WDR7: variants seen among roughly 807,000 people sequenced by gnomAD.
WDR7 encodes the protein WD repeat-containing protein 7.
WDR7 carries 46 observed loss-of-function variants against 169.4 expected under a neutral mutation model. That is an observed-to-expected ratio of 0.27 (90% CI 0.21 to 0.35). The LOEUF (loss-of-function observed/expected upper bound fraction) is 0.35. WDR7 is among the 10% of genes least tolerant of loss of function. The probability of loss-of-function intolerance (pLI) is 1.00; values close to 1 mark genes in which losing one functional copy is unlikely to be tolerated. For missense variants in WDR7, 1,534 were observed against 1,859.3 expected (o/e 0.83, Z 3.22); for synonymous variants, 612 against 666.8 (o/e 0.92, Z 1.27).
chr18:56,703,386 A>G (rs1234593897), intron 12 of WDR7, among the ~76,000 whole-genome samples: 1 of 152,164 alleles, frequency 6.6e-6, no homozygotes, highest in Non-Finnish European at 1.5e-5. Context: ...CCCATTTTTG[A>G]TTCTAGATTT....
chr18:56,926,851 C>T lies in WDR7; in HGVS notation c.3713+2743C>T, dbSNP rs370859029. On this transcript the variant is annotated intron_variant, in intron 22 of 27. Coordinates refer to ENST00000254442, the MANE Select transcript of WDR7 (RefSeq NM_015285.3). Reference sequence around the variant, plus strand: ...TGGCCTGTTACATCCGTGACACACTCGGCAGAGGGTGCAGAGCCTGAGATG... The same window carrying T: ...TGGCCTGTTACATCCGTGACACACTTGGCAGAGGGTGCAGAGCCTGAGATG... Among the ~76,000 whole-genome samples the T allele has an allele frequency of 1.6e-4, 24 of 152,278 alleles. No homozygotes were observed. In the East Asian group the frequency reaches 1.7e-3, roughly 11 times the overall value.
In WDR7 at chr18:56,880,108, C is replaced by T; in HGVS notation, c.3469C>T (p.Pro1157Ser). 6.2e-7 allele frequency: 1 copy of T among 1,614,068 alleles called. No individual in the cohort carries two copies. The highest frequency in any genetic ancestry group is 8.5e-7 in the Non-Finnish European group (1 of 1,179,978). Residue 1157 changes from proline to serine, a missense_variant, in exon 21 of 28, where the codon CCT becomes TCT. Pro to Ser is a moderately conservative substitution (Grantham distance 74). Transcript: ENST00000254442. ...LTRPRSSSQIPEGFGLTSGGS... is the reference protein window; with the variant it reads ...LTRPRSSSQISEGFGLTSGGS... ...CAGACCTCGAAGCTCTAGCCAAATT[C>T]CTGAGGGATTCGGGTTGACTAGTGG... is the stretch of plus-strand genomic sequence containing the variant.
At position 56,759,034 on chromosome 18, in the gene WDR7, ATAT is replaced by A. The variant is rs558258205; in HGVS notation, c.2848+83_2848+85del. On this transcript the variant is annotated intron_variant, in intron 16 of 27. Coordinates refer to ENST00000254442, the MANE Select transcript of WDR7 (RefSeq NM_015285.3). ...GAGGCATAGCTAATGTATAATCATA[ATAT>A]TTGTTTGTCTTGGATTGTTAAAAGA... 2.6e-4 allele frequency: 302 copies of A among 1,160,482 alleles called. No individual in the cohort carries two copies. In the African/African-American group the frequency reaches 2.7e-3, roughly 10 times the overall value. The allele number at this position is 1,160,482 out of a possible 1,614,324, so 71.9% of individuals were successfully genotyped here.
intron 4 of WDR7, among the ~76,000 whole-genome samples, chr18:56,682,257 C>T (rs2025364110): frequency 1.3e-5 from 2 of 152,100 alleles, no homozygotes; most frequent in African/African-American, 4.8e-5. Context: ...GCTTATATTT[C>T]CCTATTTCTA....
chr18:56,660,329 G>A (rs886688914), intron 1 of WDR7, among the ~76,000 whole-genome samples: 2 of 152,102 alleles, frequency 1.3e-5, no homozygotes, highest in African/African-American at 4.8e-5. Context: ...ATAAACTGGG[G>A]AACTGTCAAA....
intron 13 of WDR7, among the ~76,000 whole-genome samples, chr18:56,726,314 C>T (rs9748746): frequency 0.029 from 4,444 of 152,170 alleles, 214 homozygotes; most frequent in African/African-American, 0.1. Flanking sequence ...TGTTTGTATC[C>T]TCTTTGATTT....
intron 26 of WDR7, among the ~76,000 whole-genome samples, chr18:56,973,348 T>C (rs562417396): frequency 6.6e-6 from 1 of 152,352 alleles, no homozygotes; most frequent in South Asian, 2.1e-4. Flanking sequence ...GCAAAAGCAT[T>C]TGATAGGCTA....
chr18:56,817,006 TTAGA>T (rs988659308), intron 20 of WDR7, among the ~76,000 whole-genome samples: 1 of 152,046 alleles, frequency 6.6e-6, no homozygotes, highest in African/African-American at 2.4e-5. Context: ...AATCAATAAT[TTAGA>T]AAGAAGCATG....
chr18:56,820,316 G>A (rs550699327), intron 20 of WDR7, among the ~76,000 whole-genome samples: 1 of 111,458 alleles, frequency 9.0e-6, no homozygotes, highest in Admixed American at 1.2e-4. Context: ...CGATGATAAA[G>A]GGTCAAGAGT....
At chr18:56,841,345 C>T (rs959877819) in intron 20 of WDR7, among the ~76,000 whole-genome samples, 1 of 151,880 alleles carries the variant, frequency 6.6e-6, no homozygotes, top group Admixed American at 6.6e-5. Context: ...AGTTTGAGAC[C>T]AGCCTGGCCA....
chr18:56,681,316 G>C lies in WDR7; in HGVS notation c.270G>C (p.Glu90Asp). 6.3e-7 allele frequency: 1 copy of C among 1,589,874 alleles called. No homozygotes were observed. The highest frequency in any genetic ancestry group is 1.2e-5 in the South Asian group (1 of 85,976). ...TGACCATTATTTTGTTTTATAGAGA[G>C]ATGTGCCTCTGGGATGTGAGTGATG... The part of the protein sequence containing the change: ...QYIVSASESG[E>D]MCLWDVSDGR... The change falls in exon 4 of 28, where the codon GAG becomes GAC. Residue 90 changes from glutamate to aspartate, a missense_variant. Coordinates refer to ENST00000254442, the MANE Select transcript of WDR7 (RefSeq NM_015285.3).
chr18:56,776,628 A>C, intron 16 of WDR7, 154 bp from the exon 17 acceptor site: 1 of 649,060 alleles, frequency 1.5e-6, no homozygotes. Context: ...TGTAATCTTT[A>C]ATGATCATGC....
intron 21 of WDR7, among the ~76,000 whole-genome samples, chr18:56,916,493 A>T (rs2046627613): frequency 6.6e-6 from 1 of 152,204 alleles, no homozygotes; most frequent in African/African-American, 2.4e-5. Context: ...TATATGTGCC[A>T]CATTTTCTTA....
At chr18:57,013,425 G>A (rs1787472) in intron 26 of WDR7, among the ~76,000 whole-genome samples, 133,048 of 152,228 alleles carry the variant, frequency 0.87, 58,218 homozygotes, top group African/African-American at 0.89. Flanking sequence ...CAAGGATGAC[G>A]ACAACTGTTT....
intron 13 of WDR7, among the ~76,000 whole-genome samples, chr18:56,726,984 T>C (rs940204071): frequency 2.6e-5 from 4 of 152,086 alleles, no homozygotes; most frequent in Admixed American, 1.3e-4. Flanking sequence ...CTTCTGCAGG[T>C]TTCTGTGGAG....
intron 14 of WDR7, among the ~76,000 whole-genome samples, chr18:56,754,090 A>G (rs1599017256): frequency 6.6e-6 from 1 of 151,920 alleles, no homozygotes; most frequent in Non-Finnish European, 1.5e-5. Context: ...ATTTCTTTCC[A>G]GTCACATATA....
chr18:56,761,816 A>T (rs561710354), intron 16 of WDR7, among the ~76,000 whole-genome samples: 8 of 151,900 alleles, frequency 5.3e-5, no homozygotes, highest in African/African-American at 1.2e-4. Flanking sequence ...ATAGAAATGC[A>T]GTTGATTTTT....
chr18:56,816,373 C>CTACTT (rs538962901), intron 20 of WDR7, among the ~76,000 whole-genome samples: 19 of 152,228 alleles, frequency 1.2e-4, no homozygotes, highest in African/African-American at 4.6e-4. Flanking sequence ...AACAATAAAC[C>CTACTT]TACTAGCTGT....
chr18:56,810,018 C>G (rs2044842445), intron 19 of WDR7, among the ~76,000 whole-genome samples: 1 of 152,026 alleles, frequency 6.6e-6, no homozygotes, highest in East Asian at 1.9e-4. Context: ...ACTGTTATCT[C>G]GATCCATTAA....
Sources: allele counts gnomAD v4.1 joint callset (sites outside exome capture counted in the v4.1 genomes callset), GRCh38; gene constraint gnomAD v4.1.1; transcripts MANE v1.5; gene names NCBI Gene and HGNC (gene_info 2026-07-23, HGNC 2026-07-21).